Variants in RFC3 observed in about 807,000 individuals in gnomAD.
RFC3 encodes the protein A1 38 kDa subunit.
Under a neutral mutation model 45.1 loss-of-function variants are expected in RFC3, and 41 were observed. That is an observed-to-expected ratio of 0.91 (90% CI 0.71 to 1.18). RFC3 has a LOEUF of 1.18. Among genes scored for constraint, RFC3 ranks in the 50% most tolerant of loss-of-function variants. The pLI, the probability that RFC3 is intolerant of heterozygous loss-of-function variation, is 0.00. For missense variants in RFC3, 423 were observed against 428.1 expected, an observed-to-expected ratio of 0.99 and a Z score of 0.10; for synonymous variants, 149 against 144.0, an observed-to-expected ratio of 1.03 and a Z score of -0.25.
intron 8 of RFC3, among the ~76,000 whole-genome samples, chr13:33,957,103 A>G (rs1306696643): frequency 6.6e-6 from 1 of 152,178 alleles, no homozygotes; most frequent in Non-Finnish European, 1.5e-5. Context: ...ATGCTTCTGT[A>G]TATATACAAC....
intron 8 of RFC3, among the ~76,000 whole-genome samples, chr13:33,859,702 A>G (rs2082328550): frequency 6.6e-6 from 1 of 152,192 alleles, no homozygotes; most frequent in Non-Finnish European, 1.5e-5. Flanking sequence ...GCATATATTT[A>G]CAGTTTGAAA....
intron 8 of RFC3, among the ~76,000 whole-genome samples, chr13:33,877,759 G>A (rs1489909046): frequency 6.8e-6 from 1 of 147,526 alleles, no homozygotes; most frequent in African/African-American, 2.5e-5. Context: ...TTTAAATTCC[G>A]AGATTAAAAA....
rs760618266 is a variant in RFC3 at position 33,835,964 on chromosome 13, G to A, written c.880-140G>A. 3.5e-5 allele frequency: 32 copies of A among 916,956 alleles called. No homozygotes were observed. In the Admixed American group the frequency reaches 5.6e-4, roughly 16 times the overall value. The allele number at this position is 916,956 out of a possible 1,614,324, so 56.8% of individuals were successfully genotyped here. On this transcript the variant is annotated intron_variant, in intron 8 of 8. Coordinates refer to ENST00000380071, the MANE Select transcript of RFC3 (RefSeq NM_002915.4). ...AAGTTTTTGCTTTTGGATGAAGGTC[G>A]TTGATTCACATAAAAAATTAAAGAT...
At chr13:33,910,960 G>A (rs2082700672) in intron 8 of RFC3, among the ~76,000 whole-genome samples, 2 of 151,796 alleles carry the variant, frequency 1.3e-5, no homozygotes, top group South Asian at 4.2e-4. Context: ...AGCACGAAAG[G>A]GGGAAATCCA....
At chr13:33,926,248 A>G (rs950261349) in intron 8 of RFC3, among the ~76,000 whole-genome samples, 11 of 150,858 alleles carry the variant, frequency 7.3e-5, no homozygotes, top group African/African-American at 2.7e-4. Flanking sequence ...TGGGAGATAT[A>G]CCTAATGCTA....
rs959348706 is a variant in RFC3 at position 33,909,159 on chromosome 13, A to AT, written c.880-56918dup. On this transcript the variant is annotated intron_variant, in intron 8 of 8. Transcript: ENST00000434425. ...GATGTTGAAACTACCTGTAATATAC[A>AT]TTTTTTTTTTCAGGCGAGATTTAAG... Among the ~76,000 whole-genome samples, 181 of 149,802 alleles carry AT rather than the reference A, an allele frequency of 1.2e-3. 2 individuals carry two copies. Among genetic ancestry groups the AT allele is most frequent in the African/African-American group, 3.2e-3 (133 of 40,940 alleles).
chr13:33,913,285 T>G (rs907638217), intron 8 of RFC3, among the ~76,000 whole-genome samples: 1 of 151,870 alleles, frequency 6.6e-6, no homozygotes, highest in Non-Finnish European at 1.5e-5. Context: ...GAGCTCAGAG[T>G]GCCTAGCCAG....
chr13:33,973,919 T>A, the RFC3 span, among the ~76,000 whole-genome samples: 3 of 152,102 alleles, frequency 2.0e-5, no homozygotes, highest in Admixed American at 2.0e-4. Context: ...GTTTCTAGGC[T>A]GTATCCCAGT....
chr13:33,838,534 CT>C (rs1330167705), downstream of RFC3, among the ~76,000 whole-genome samples: 1 of 152,056 alleles, frequency 6.6e-6, no homozygotes, highest in Non-Finnish European at 1.5e-5. Context: ...AGGTTGTTTC[CT>C]TTTACATAAT....
chr13:33,819,047 C>T lies in RFC3; in HGVS notation c.87+782C>T, dbSNP rs536414875. Among the ~76,000 whole-genome samples the T allele has an allele frequency of 2.6e-5, 4 of 151,862 alleles. No homozygotes were observed. The South Asian group carries it at 6.2e-4, about 24-fold the overall frequency. On this transcript the variant is annotated intron_variant, in intron 1 of 8. Coordinates refer to ENST00000380071, the MANE Select transcript of RFC3 (RefSeq NM_002915.4). Reference sequence around the variant, plus strand: ...CTGGGATTACAGGCGCCCGCCACCACGCACAGCTAATTTTTGTATTTTTCA... The same window carrying T: ...CTGGGATTACAGGCGCCCGCCACCATGCACAGCTAATTTTTGTATTTTTCA...
chr13:33,927,280 G>A (rs963012709), intron 8 of RFC3, among the ~76,000 whole-genome samples: 5 of 152,024 alleles, frequency 3.3e-5, no homozygotes, highest in African/African-American at 1.2e-4. Context: ...GCCCAGACCT[G>A]GATGGCCTCT....
At chr13:33,923,962 T>G (rs2082785722) in intron 8 of RFC3, among the ~76,000 whole-genome samples, 1 of 152,120 alleles carries the variant, frequency 6.6e-6, no homozygotes, top group African/African-American at 2.4e-5. Flanking sequence ...GAAGGCTTGA[T>G]GGAAGCTGAT....
chr13:33,903,897 C>CAAATTA, intron 8 of RFC3, among the ~76,000 whole-genome samples: 1 of 152,062 alleles, frequency 6.6e-6, no homozygotes, highest in South Asian at 2.1e-4. Context: ...AATTATGCAC[C>CAAATTA]TGTGTCCAAA....
chr13:33,965,220 G>C (rs1377192310), intron 8 of RFC3, among the ~76,000 whole-genome samples: 1 of 152,100 alleles, frequency 6.6e-6, no homozygotes, highest in Non-Finnish European at 1.5e-5. Flanking sequence ...TATGACCTTG[G>C]GCAAGTTGAT....
At chr13:33,914,734 C>T (rs909208992) in intron 8 of RFC3, among the ~76,000 whole-genome samples, 5 of 152,066 alleles carry the variant, frequency 3.3e-5, no homozygotes, top group Non-Finnish European at 7.4e-5. Context: ...ATGAATTCTA[C>T]ATAACATTAT....
At chr13:33,926,141 A>G (rs1420544270) in intron 8 of RFC3, among the ~76,000 whole-genome samples, 2 of 143,696 alleles carry the variant, frequency 1.4e-5, no homozygotes, top group Non-Finnish European at 3.0e-5. Context: ...TCTCACTCAT[A>G]GGTGGGAATT....
chr13:33,936,696 C>G (rs528569396), intron 8 of RFC3, among the ~76,000 whole-genome samples: 2 of 152,104 alleles, frequency 1.3e-5, no homozygotes, highest in African/African-American at 4.8e-5. Flanking sequence ...CAGATTTCCC[C>G]TCAAAGTCCT....
At chr13:33,840,077 G>A (rs1039063162), downstream of RFC3, among the ~76,000 whole-genome samples, 2 of 152,078 alleles carry the variant, frequency 1.3e-5, no homozygotes, top group Non-Finnish European at 2.9e-5. Context: ...AGTAAGAAGC[G>A]TCTTGGTGCG....
intron 8 of RFC3, among the ~76,000 whole-genome samples, chr13:33,938,184 C>CAAAAAAAAAAAAAAAAA (rs34685731): frequency 1.4e-5 from 1 of 70,782 alleles, no homozygotes; most frequent in African/African-American, 5.8e-5. Flanking sequence ...AGTCCAACTG[C>CAAAAAAAAAAAAAAAAA]AAAAAAAAAA....
Sources: gnomAD v4.1 joint callset for allele counts (sites outside exome capture counted in the v4.1 genomes callset) on GRCh38, gnomAD v4.1.1 for gene constraint, MANE v1.5 for transcripts, NCBI Gene and HGNC (gene_info 2026-07-23, HGNC 2026-07-21) for gene names.